Variants in MCOLN1 observed in about 807,000 individuals in gnomAD.
MCOLN1 encodes the protein mucolipin TRP cation channel 1.
MCOLN1 carries 50 observed loss-of-function variants against 70.3 expected under a neutral mutation model. That is an observed-to-expected ratio of 0.71 (90% CI 0.57 to 0.90). MCOLN1 has a LOEUF of 0.90. MCOLN1 is among the 40% of genes least tolerant of loss of function. MCOLN1 has a pLI of 0.00. For missense variants in MCOLN1, 598 were observed against 803.5 expected, an observed-to-expected ratio of 0.74 and a Z score of 3.09; for synonymous variants, 366 against 341.0, an observed-to-expected ratio of 1.07 and a Z score of -0.81.
chr19:7,533,695 G>T (rs762819711), intron 13 of MCOLN1, 42 bp downstream of exon 13: 38 of 1,614,052 alleles, frequency 2.4e-5, no homozygotes, highest in Non-Finnish European at 3.0e-5. Flanking sequence ...GGAGGTTAGG[G>T]AATGGGGAAA....
rs1196075625 is a variant in MCOLN1, at chr19:7,526,594, T to C, written c.393T>C (p.His131=). Residue 131 remains histidine, a synonymous_variant, in exon 3 of 14, where the codon CAT becomes CAC. Transcript: ENST00000264079. This position sits in a 1 kb window ranked among gnomAD's most constrained non-coding sequence, Gnocchi z 4.6. The part of the protein sequence containing the change: ...TREQLYQAIF[H]AVDQYLALPD... ...AGCAGCTGTACCAGGCCATCTTCCA[T>C]GCTGTGGACCAGGTGCTGGTGGGCG... The C allele has an allele frequency of 5.0e-6, 8 of 1,608,006 alleles. No individual in the cohort carries two copies. The highest frequency in any genetic ancestry group is 1.3e-5 in the African/African-American group (1 of 74,202).
chr19:7,531,179 T>C (rs1420100684), intron 12 of MCOLN1, among the ~76,000 whole-genome samples: 1 of 152,162 alleles, frequency 6.6e-6, no homozygotes, highest in Non-Finnish European at 1.5e-5. Context: ...ATTACAGGCG[T>C]AAGCCACCAC....
Position 7,533,840 on chromosome 19 carries a change from C to T in MCOLN1, c.*45C>T. The T allele has an allele frequency of 6.2e-7, 1 of 1,603,070 alleles. No homozygotes were observed. Among genetic ancestry groups the T allele is most frequent in the Non-Finnish European group, 8.5e-7 (1 of 1,170,320 alleles). ...GACCGTAGGCCCTGGACTGCAGAGACCCCCGCCCCCGACCCCGCTTATTTA... is the reference window on the plus strand; with the variant it reads ...GACCGTAGGCCCTGGACTGCAGAGATCCCCGCCCCCGACCCCGCTTATTTA... On this transcript the variant is annotated 3_prime_UTR_variant, in exon 14 of 14. Coordinates refer to ENST00000264079, the MANE Select transcript of MCOLN1 (RefSeq NM_020533.3).
In MCOLN1 at chr19:7,533,644, G is replaced by T; in HGVS notation, c.1697G>T (p.Cys566Phe). The change falls in exon 13 of 14, where the codon TGC becomes TTC. Residue 566 changes from cysteine to phenylalanine, a missense_variant. Cys to Phe is a radical substitution (Grantham distance 205). Coordinates refer to ENST00000264079, the MANE Select transcript of MCOLN1 (RefSeq NM_020533.3). ...GSGSACSLLC[C>F]CGRDPSEEHS... ...GGCTCGGCCTGCAGCCTTCTCTGCT[G>T]CTGCGGAAGGTTCGAGTCCCGGGTC... is the stretch of plus-strand genomic sequence containing the variant. The T allele has an allele frequency of 6.2e-7, 1 of 1,613,400 alleles. No homozygotes were observed. Among genetic ancestry groups the T allele is most frequent in the Non-Finnish European group, 8.5e-7 (1 of 1,179,924 alleles).
Position 7,529,361 on chromosome 19 carries a change from C to A in MCOLN1, c.1236+159C>A, listed in dbSNP as rs116181528. On this transcript the variant is annotated intron_variant, in intron 10 of 13. Transcript: ENST00000264079. ...AGATATATCTGTCACTGCACCTGCG[C>A]GGGGCCCCGGGAGCCTGCTCCTTTG... is the stretch of plus-strand genomic sequence containing the variant. 0.025 allele frequency among the ~76,000 whole-genome samples: 3,753 copies of A among 152,306 alleles called. 146 individuals carry two copies. Among genetic ancestry groups the A allele is most frequent in the African/African-American group, 0.086 (3,563 of 41,548 alleles).
rs751298168 is a variant in MCOLN1, at chr19:7,533,651, A to C, written c.1704A>C (p.Gly568=). The C allele has an allele frequency of 3.7e-6, 6 of 1,613,492 alleles. No homozygotes were observed. The African/African-American group carries it at 8.0e-5, about 22-fold the overall frequency. The change falls in exon 13 of 14, where the codon GGA becomes GGC. Residue 568 remains glycine (G), a splice_region_variant and synonymous_variant. Transcript: ENST00000264079. ...CCTGCAGCCTTCTCTGCTGCTGCGG[A>C]AGGTTCGAGTCCCGGGTCTGGCACA... The part of the protein sequence containing the change: ...GSACSLLCCC[G]RDPSEEHSLL...
At chr19:7,529,504 C>CA in intron 10 of MCOLN1, 86 bp from the exon 11 acceptor site, 1 of 620,698 alleles carries the variant, frequency 1.6e-6, no homozygotes, top group Non-Finnish European at 2.9e-6. Context: ...CGGCAAGGCC[C>CA]CGCCCCTCCC....
rs201521719 is a variant in MCOLN1, at chr19:7,526,942, G to A, written c.571+16G>A. 283 of 1,613,952 alleles carry A rather than the reference G, an allele frequency of 1.8e-4. No homozygotes were observed. In the South Asian group the frequency reaches 2.3e-3, roughly 13 times the overall value. ...GTGGTTACTGGTGAGTGGGCAGGAC[G>A]AGGCTTCACTGTTGGGAGCCTGAGC... is the stretch of plus-strand genomic sequence containing the variant. On this transcript the variant is annotated intron_variant, in intron 4 of 13. Coordinates refer to ENST00000264079, the MANE Select transcript of MCOLN1 (RefSeq NM_020533.3). This position sits in a 1 kb window ranked among gnomAD's most constrained non-coding sequence, Gnocchi z 4.6.
At chr19:7,522,918 G>A in intron 1 of MCOLN1, 137 bp downstream of exon 1, 1 of 770,038 alleles carries the variant, frequency 1.3e-6, no homozygotes, top group Non-Finnish European at 1.8e-6. Context: ...AAGGGCAGAC[G>A]GCTCCTAGAA....
At chr19:7,530,554 G>A in intron 12 of MCOLN1, 53 bp downstream of exon 12, 1 of 1,510,466 alleles carries the variant, frequency 6.6e-7, no homozygotes, top group Non-Finnish European at 9.1e-7. Context: ...CCTGGAGTCT[G>A]CCATGAGGGG....
At chr19:7,527,714 G>A in intron 5 of MCOLN1, 86 bp downstream of exon 5, 3 of 1,114,064 alleles carry the variant, frequency 2.7e-6, no homozygotes, top group East Asian at 4.7e-5. Flanking sequence ...TCCCTAAGGT[G>A]GGGACAGGGC....
Position 7,533,647 on chromosome 19 carries a change from G to A in MCOLN1, c.1700G>A (p.Cys567Tyr), listed in dbSNP as rs762643471. Reference sequence around the variant, plus strand: ...TCGGCCTGCAGCCTTCTCTGCTGCTGCGGAAGGTTCGAGTCCCGGGTCTGG... The same window carrying A: ...TCGGCCTGCAGCCTTCTCTGCTGCTACGGAAGGTTCGAGTCCCGGGTCTGG... ...SGSACSLLCCCGRDPSEEHSL... is the reference protein window; with the variant it reads ...SGSACSLLCCYGRDPSEEHSL... Residue 567 changes from cysteine to tyrosine, a missense_variant, in exon 13 of 14, where the codon TGC becomes TAC. Coordinates refer to ENST00000264079, the MANE Select transcript of MCOLN1 (RefSeq NM_020533.3). The A allele has an allele frequency of 5.0e-6, 8 of 1,613,382 alleles. No individual in the cohort carries two copies. Among genetic ancestry groups the A allele is most frequent in the East Asian group, 4.5e-5 (2 of 44,882 alleles).
intron 12 of MCOLN1, 93 bp from the exon 13 acceptor site, chr19:7,533,430 C>T (rs2022695377): frequency 1.3e-6 from 2 of 1,544,720 alleles, no homozygotes; most frequent in Non-Finnish European, 1.8e-6. Context: ...AGGTGGGAAG[C>T]GATGCAGATA....
chr19:7,527,744 C>A, intron 5 of MCOLN1, 116 bp downstream of exon 5: 1 of 1,094,318 alleles, frequency 9.1e-7, no homozygotes, highest in South Asian at 1.2e-5. Context: ...CGCGCTGGTG[C>A]CTGCTGGGTG....
rs773382513 is a variant in MCOLN1 at position 7,528,684 on chromosome 19, G to C, written c.965G>C (p.Arg322Pro). The C allele has an allele frequency of 6.2e-7, 1 of 1,614,166 alleles. No individual in the cohort carries two copies. The highest frequency in any genetic ancestry group is 8.5e-7 in the Non-Finnish European group (1 of 1,180,012). The change falls in exon 8 of 14, where the codon CGA becomes CCA. Residue 322 changes from arginine (R) to proline (P), a missense_variant. Arg to Pro is a moderately radical substitution (Grantham distance 103). This residue lies in a region of MCOLN1 where 461 missense variants were observed against 588.4 expected (regional missense o/e 0.78). Transcript: ENST00000264079. The surrounding 1 kb of genome is among the most constrained non-coding windows in gnomAD (Gnocchi z 4.2). ...SFLLCARSLL[R>P]GFLLQNEFVG... is the part of the protein sequence containing the mutation. The stretch of plus-strand genomic sequence containing the variant: ...CTCCTCTGCGCCCGCTCACTCCTTC[G>C]AGGCTTCCTGCTGCAGAACGTGAGG...
Position 7,526,712 on chromosome 19 carries a change from C to T in MCOLN1, c.406-49C>T. 6.2e-7 allele frequency: 1 copy of T among 1,608,268 alleles called. No individual in the cohort carries two copies. On this transcript the variant is annotated intron_variant, in intron 3 of 13. Coordinates refer to ENST00000264079, the MANE Select transcript of MCOLN1 (RefSeq NM_020533.3). The surrounding 1 kb of genome is among the most constrained non-coding windows in gnomAD (Gnocchi z 4.6). The stretch of plus-strand genomic sequence containing the variant: ...GGGCGGGCAGGTGCAGGTGGGTGGG[C>T]TGCAGAGAGCGGGCCGGACTCACAG...
Position 7,525,208 on chromosome 19 carries a change from T to A in MCOLN1, c.237+42T>A. ...AGGGGCCCCAGCTGAAGGCCACCTG[T>A]GGCTGCTGTGCTCCTTGAAGAGAGT... On this transcript the variant is annotated intron_variant, in intron 2 of 13. Transcript: ENST00000264079. This position sits in a 1 kb window ranked among gnomAD's most constrained non-coding sequence, Gnocchi z 4.2. The A allele has an allele frequency of 6.4e-7, 1 of 1,564,634 alleles. No homozygotes were observed. The highest frequency in any genetic ancestry group is 8.8e-7 in the Non-Finnish European group (1 of 1,136,368).
At position 7,526,680 on chromosome 19, in the gene MCOLN1, T is replaced by A; in HGVS notation, c.405+74T>A. The A allele has an allele frequency of 6.3e-7, 1 of 1,595,994 alleles. No individual in the cohort carries two copies. Among genetic ancestry groups the A allele is most frequent in the Non-Finnish European group, 8.5e-7 (1 of 1,176,924 alleles). On this transcript the variant is annotated intron_variant, in intron 3 of 13. Coordinates refer to ENST00000264079, the MANE Select transcript of MCOLN1 (RefSeq NM_020533.3). The surrounding 1 kb of genome is among the most constrained non-coding windows in gnomAD (Gnocchi z 4.6). ...GGGCAGGTGCAGTTGGGCGGGCAGG[T>A]GCTGGTGGGCGGGCAGGTGCAGGTG...
intron 10 of MCOLN1, 89 bp from the exon 11 acceptor site, chr19:7,529,501 G>GGGCCCCCCC: frequency 2.7e-5 from 20 of 747,216 alleles, no homozygotes; most frequent in East Asian, 5.8e-5. Context: ...CCTCGGCAAG[G>GGGCCCCCCC]CCCCGCCCCT....
Sources: allele counts gnomAD v4.1 joint callset (sites outside exome capture counted in the v4.1 genomes callset), GRCh38; gene constraint gnomAD v4.1.1; regional missense constraint gnomAD v4.1.1; non-coding constraint Gnocchi (gnomAD v3.1); transcripts MANE v1.5; gene names NCBI Gene and HGNC (gene_info 2026-07-23, HGNC 2026-07-21).